The following ENAH variants were observed in gnomAD, a reference collection of about 807,000 sequenced individuals.
The protein encoded by ENAH is ENAH actin regulator.
In ENAH, 23 loss-of-function variants were observed where a neutral mutation model predicts 78.7. That is an observed-to-expected ratio of 0.29 (90% confidence interval 0.21 to 0.41). The LOEUF is 0.41. Ranked by LOEUF, ENAH falls within the 10% of genes least tolerant of loss-of-function variation. The pLI, the probability that ENAH is intolerant of heterozygous loss-of-function variation, is 1.00. For synonymous variants in ENAH, 226 were observed against 241.0 expected (o/e 0.94, Z 0.58); for missense variants, 544 against 691.0 (o/e 0.79, Z 2.39).
intron 1 of ENAH, among the ~76,000 whole-genome samples, chr1:225,597,107 T>C (rs1467251472): frequency 1.3e-5 from 2 of 152,144 alleles, no homozygotes; most frequent in African/African-American, 2.4e-5. Context: ...CAATCCTACA[T>C]GTAGGACGTA....
At chr1:225,569,627 T>A (rs982397283) in intron 1 of ENAH, among the ~76,000 whole-genome samples, 2 of 152,242 alleles carry the variant, frequency 1.3e-5, no homozygotes, top group Non-Finnish European at 2.9e-5. Flanking sequence ...TTAGCTTTAA[T>A]GGCCCCAAAG....
In ENAH at chr1:225,519,372, GGC is replaced by G; in HGVS notation, c.626_627del (p.Arg209ProfsTer65). 2 of 1,609,996 alleles carry G rather than the reference GGC, an allele frequency of 1.2e-6. No homozygotes were observed. Among genetic ancestry groups the G allele is most frequent in the Non-Finnish European group, 1.7e-6 (2 of 1,178,540 alleles). The part of the protein sequence containing the change: ...ERQERLERQE[R>X]LERQERLERQ... ...CGCTCCAGGCGTTCCTGCCGCTCCA[GGC>G]GTTCCTGCCGCTCCAGGCGTTCCTG... On this transcript the variant is annotated frameshift_variant, in exon 5 of 14. Transcript: ENST00000366843. LOFTEE classifies it high-confidence loss of function.
At chr1:225,607,977 G>T (rs966521544) in intron 1 of ENAH, among the ~76,000 whole-genome samples, 7 of 152,004 alleles carry the variant, frequency 4.6e-5, no homozygotes, top group Admixed American at 3.9e-4. Flanking sequence ...GAACAGATAG[G>T]CAAGGAACAT....
At chr1:225,527,101 T>C (rs996873978) in intron 4 of ENAH, among the ~76,000 whole-genome samples, 21 of 152,228 alleles carry the variant, frequency 1.4e-4, no homozygotes, top group African/African-American at 2.7e-4. Flanking sequence ...AGAAGCCAAG[T>C]TGGCCAACTT....
chr1:225,585,362 A>C (rs2096840979), intron 1 of ENAH, among the ~76,000 whole-genome samples: 2 of 152,126 alleles, frequency 1.3e-5, no homozygotes, highest in Admixed American at 6.5e-5. Flanking sequence ...ACATAGAATA[A>C]ATGAAGGTTA....
intron 1 of ENAH, among the ~76,000 whole-genome samples, chr1:225,625,039 T>A (rs1048127936): frequency 6.8e-6 from 1 of 147,130 alleles, no homozygotes; most frequent in Non-Finnish European, 1.5e-5. Context: ...ATGTTCGGAA[T>A]TCCAGTGTCC....
At chr1:225,600,266 C>T (rs1355479044) in intron 1 of ENAH, among the ~76,000 whole-genome samples, 3 of 151,804 alleles carry the variant, frequency 2.0e-5, no homozygotes, top group Non-Finnish European at 2.9e-5. Context: ...ATTCGGGAGA[C>T]GGAGGCCGGG....
At chr1:225,518,848 C>A (rs768732271) in intron 5 of ENAH, among the ~76,000 whole-genome samples, 6 of 152,098 alleles carry the variant, frequency 3.9e-5, no homozygotes, top group Non-Finnish European at 7.4e-5. Flanking sequence ...GTATTTGAGA[C>A]AATTTAAGTG....
intron 1 of ENAH, among the ~76,000 whole-genome samples, chr1:225,572,434 A>T (rs2096767746): frequency 6.6e-6 from 1 of 152,198 alleles, no homozygotes; most frequent in South Asian, 2.1e-4. Flanking sequence ...GGAATCTAAA[A>T]ATAGGAATAT....
chr1:225,535,494 T>C, intron 3 of ENAH: 1 of 1,300,594 alleles, frequency 7.7e-7, no homozygotes. Context: ...AATGTAAACA[T>C]AATGTTGCTT....
In ENAH at chr1:225,491,930, AG is replaced by A. The variant is rs2096224045; in HGVS notation, c.*5844del. The A allele has an allele frequency of 1.3e-5, 2 of 152,316 alleles. No homozygotes were observed. Among genetic ancestry groups the A allele is most frequent in the South Asian group, 4.1e-4 (2 of 4,826 alleles). 9.4% of individuals were successfully genotyped at this position (152,316 alleles called of 1,614,324 possible). On this transcript the variant is annotated 3_prime_UTR_variant, in exon 14 of 14. Transcript: ENST00000366843. ...CTGAAGAAATCTTTCTTGGAATTGA[AG>A]GGAACAGTTAAATCAGATTTACATG...
intron 2 of ENAH, among the ~76,000 whole-genome samples, chr1:225,559,487 AC>A (rs1456231806): frequency 1.3e-5 from 2 of 152,138 alleles, no homozygotes; most frequent in African/African-American, 4.8e-5. Flanking sequence ...TCAGTTACTA[AC>A]AGAAGTAAGT....
chr1:225,638,620 G>A (rs1407137607), intron 1 of ENAH, among the ~76,000 whole-genome samples: 2 of 152,152 alleles, frequency 1.3e-5, no homozygotes, highest in Non-Finnish European at 2.9e-5. Context: ...AATTGTGCAG[G>A]ACTTAGGCCA....
intron 1 of ENAH, among the ~76,000 whole-genome samples, chr1:225,589,731 T>C (rs1215007761): frequency 6.6e-6 from 1 of 152,112 alleles, no homozygotes; most frequent in East Asian, 1.9e-4. Flanking sequence ...GAGAGACAGA[T>C]GTGTGATAAA....
chr1:225,501,868 T>C (rs2096284091), intron 11 of ENAH, among the ~76,000 whole-genome samples: 1 of 152,184 alleles, frequency 6.6e-6, no homozygotes, highest in South Asian at 2.1e-4. Context: ...TTAAACAAGT[T>C]TCAACACCAA....
chr1:225,565,209 G>A (rs770665706), intron 2 of ENAH, among the ~76,000 whole-genome samples: 4 of 152,182 alleles, frequency 2.6e-5, no homozygotes, highest in Non-Finnish European at 5.9e-5. Flanking sequence ...GCTGAGGCAG[G>A]TGGATCACCT....
intron 1 of ENAH, among the ~76,000 whole-genome samples, chr1:225,625,222 A>C (rs1459768742): frequency 6.6e-6 from 1 of 152,210 alleles, no homozygotes; most frequent in Non-Finnish European, 1.5e-5. Context: ...AAAACAAGAT[A>C]AAGTAAATAT....
At chr1:225,617,102 T>TA (rs58590760) in intron 1 of ENAH, among the ~76,000 whole-genome samples, 14,086 of 141,986 alleles carry the variant, frequency 0.099, 1,550 homozygotes, top group African/African-American at 0.28. Context: ...CCATCTCAAT[T>TA]AAAAAAAAAA....
chr1:225,642,085 T>C (rs1301936320), intron 1 of ENAH, among the ~76,000 whole-genome samples: 2 of 150,724 alleles, frequency 1.3e-5, no homozygotes, highest in Non-Finnish European at 3.0e-5. Flanking sequence ...CCTGTAATCC[T>C]AGCTACTCAG....
Sources: gnomAD v4.1 joint callset for allele counts (sites outside exome capture counted in the v4.1 genomes callset) on GRCh38, gnomAD v4.1.1 for gene constraint, MANE v1.5 for transcripts, NCBI Gene and HGNC (gene_info 2026-07-23, HGNC 2026-07-21) for gene names.